The following IMMP2L variants were observed in gnomAD, a reference collection of about 807,000 sequenced individuals.
IMMP2L encodes the protein inner mitochondrial membrane peptidase subunit 2, also known as mitochondrial inner membrane protease subunit 2.
In IMMP2L, 18 loss-of-function variants were observed where a neutral mutation model predicts 19.3. The ratio of observed to expected loss-of-function variants is 0.93; its 90% CI spans 0.64 to 1.38. IMMP2L has a LOEUF of 1.38. Ranked by LOEUF, IMMP2L falls within the 40% of genes most tolerant of loss-of-function variation. The probability of loss-of-function intolerance (pLI) is 0.00; values close to 1 mark genes in which losing one functional copy is unlikely to be tolerated. For missense variants in IMMP2L, 233 were observed against 218.2 expected, an observed-to-expected ratio of 1.07 and a Z score of -0.43; for synonymous variants, 76 against 73.0, an observed-to-expected ratio of 1.04 and a Z score of -0.21.
intron 3 of IMMP2L, among the ~76,000 whole-genome samples, chr7:111,218,782 G>T (rs1398828760): frequency 1.3e-5 from 2 of 152,002 alleles, no homozygotes; most frequent in Non-Finnish European, 2.9e-5. Context: ...GGTTAGAAAT[G>T]ACATCAGTGG....
At chr7:110,688,687 G>A (rs1040235571) in intron 5 of IMMP2L, among the ~76,000 whole-genome samples, 4 of 151,834 alleles carry the variant, frequency 2.6e-5, no homozygotes, top group Admixed American at 6.6e-5. Flanking sequence ...GAAATTCTAC[G>A]TAGCCATGAA....
chr7:111,081,012 A>G (rs945273585), intron 3 of IMMP2L, among the ~76,000 whole-genome samples: 6 of 152,254 alleles, frequency 3.9e-5, no homozygotes, highest in Non-Finnish European at 8.8e-5. Context: ...TTCAAAATGA[A>G]TTGAAGACCT....
chr7:111,033,076 TG>T (rs1311574024), intron 3 of IMMP2L, among the ~76,000 whole-genome samples: 7 of 152,046 alleles, frequency 4.6e-5, no homozygotes, highest in Non-Finnish European at 8.8e-5. Context: ...GCTGAGATCG[TG>T]CCACTGCACT....
intron 5 of IMMP2L, among the ~76,000 whole-genome samples, chr7:110,836,280 C>A (rs1003674715): frequency 3.9e-5 from 6 of 152,042 alleles, no homozygotes; most frequent in Non-Finnish European, 8.8e-5. Flanking sequence ...CCTGAATTTA[C>A]AAGTATTGTC....
At chr7:111,151,318 G>A (rs1046392769) in intron 3 of IMMP2L, among the ~76,000 whole-genome samples, 2 of 152,054 alleles carry the variant, frequency 1.3e-5, no homozygotes, top group Non-Finnish European at 2.9e-5. Context: ...ACCAGCTTAC[G>A]TGAAATATAG....
intron 3 of IMMP2L, among the ~76,000 whole-genome samples, chr7:110,964,613 C>T (rs1034800952): frequency 1.3e-5 from 2 of 152,000 alleles, no homozygotes; most frequent in Non-Finnish European, 2.9e-5. Flanking sequence ...ATCTCTGCCT[C>T]TCCTGGTATG....
intron 3 of IMMP2L, among the ~76,000 whole-genome samples, chr7:111,294,323 C>G (rs565807483): frequency 6.6e-6 from 1 of 151,924 alleles, no homozygotes; most frequent in South Asian, 2.1e-4. Context: ...TGGGCATAAA[C>G]CTAAACTGTC....
At chr7:111,521,525 A>G in intron 1 of IMMP2L, 76 bp from the exon 2 acceptor site, 1 of 1,365,590 alleles carries the variant, frequency 7.3e-7, no homozygotes, top group Non-Finnish European at 1.0e-6. Context: ...ACAGTACATG[A>G]AAAGTAAGAG....
intron 5 of IMMP2L, among the ~76,000 whole-genome samples, chr7:110,696,218 C>T (rs142453395): frequency 0.012 from 1,842 of 152,170 alleles, 17 homozygotes; most frequent in Admixed American, 0.03. Context: ...GAATGCCAGG[C>T]TAACAAATCT....
intron 5 of IMMP2L, among the ~76,000 whole-genome samples, chr7:110,817,283 T>C (rs941541597): frequency 6.6e-6 from 1 of 152,080 alleles, no homozygotes; most frequent in Non-Finnish European, 1.5e-5. Context: ...ACAAAATCAA[T>C]GTACCAAAAT....
intron 5 of IMMP2L, among the ~76,000 whole-genome samples, chr7:110,729,717 C>T (rs1012156960): frequency 6.6e-6 from 1 of 152,150 alleles, no homozygotes; most frequent in African/African-American, 2.4e-5. Context: ...ATGATGAAAA[C>T]ACATGGACAC....
At chr7:110,841,786 C>T (rs1351009734) in intron 5 of IMMP2L, among the ~76,000 whole-genome samples, 3 of 152,048 alleles carry the variant, frequency 2.0e-5, no homozygotes, top group Non-Finnish European at 4.4e-5. Context: ...TACATATTTG[C>T]AGAAGTAACT....
chr7:111,011,967 C>A (rs1221779600), intron 3 of IMMP2L, among the ~76,000 whole-genome samples: 1 of 152,042 alleles, frequency 6.6e-6, no homozygotes, highest in African/African-American at 2.4e-5. Context: ...TACTGGAGCC[C>A]ACTTTTCCAG....
intron 5 of IMMP2L, among the ~76,000 whole-genome samples, chr7:110,679,152 A>G (rs1275604576): frequency 6.6e-6 from 1 of 152,140 alleles, no homozygotes; most frequent in Non-Finnish European, 1.5e-5. Context: ...TTTTATGCAA[A>G]AATAGATACA....
At chr7:110,794,412 T>C (rs1212511640) in intron 5 of IMMP2L, among the ~76,000 whole-genome samples, 1 of 152,100 alleles carries the variant, frequency 6.6e-6, no homozygotes, top group African/African-American at 2.4e-5. Context: ...CTATCTACTG[T>C]ATGATTCCAA....
At chr7:111,383,286 A>T (rs1373291309) in intron 3 of IMMP2L, among the ~76,000 whole-genome samples, 1 of 152,144 alleles carries the variant, frequency 6.6e-6, no homozygotes, top group Admixed American at 6.6e-5. Flanking sequence ...ATTGTGCTTT[A>T]AAGAAATGAG....
At chr7:111,235,690 G>A (rs1235220841) in intron 3 of IMMP2L, among the ~76,000 whole-genome samples, 1 of 151,590 alleles carries the variant, frequency 6.6e-6, no homozygotes, top group Non-Finnish European at 1.5e-5. Flanking sequence ...ATCTTCTTGT[G>A]CTTGGGGTTT....
intron 5 of IMMP2L, among the ~76,000 whole-genome samples, chr7:110,784,875 T>C (rs972288368): frequency 6.6e-6 from 1 of 151,888 alleles, no homozygotes; most frequent in Non-Finnish European, 1.5e-5. Context: ...CTGTCCAGCA[T>C]GGTAGCCACT....
intron 2 of IMMP2L, among the ~76,000 whole-genome samples, chr7:111,497,967 CTA>C (rs1843750872): frequency 6.6e-6 from 1 of 151,644 alleles, no homozygotes; most frequent in African/African-American, 2.4e-5. Context: ...CCACATTTTT[CTA>C]TGTTTTCTAA....
Sources: allele counts gnomAD v4.1 joint callset (sites outside exome capture counted in the v4.1 genomes callset), GRCh38; gene constraint gnomAD v4.1.1; transcripts MANE v1.5; gene names NCBI Gene and HGNC (gene_info 2026-07-23, HGNC 2026-07-21).